Variants in BMPER observed in about 807,000 individuals in gnomAD.
BMPER encodes BMP-binding endothelial regulator protein.
Under a neutral mutation model 87.3 loss-of-function variants are expected in BMPER, and 45 were observed. The ratio of observed to expected loss-of-function variants is 0.52; its 90% CI spans 0.41 to 0.66. BMPER has a LOEUF of 0.66. BMPER is among the 30% of genes least tolerant of loss of function. The probability of loss-of-function intolerance (pLI) is 0.00; values close to 1 mark genes in which losing one functional copy is unlikely to be tolerated. For synonymous variants in BMPER, 326 were observed against 316.2 expected (o/e 1.03, Z -0.33); for missense variants, 784 against 867.5 (o/e 0.90, Z 1.21).
At chr7:34,000,894 A>G (rs1304947781) in intron 6 of BMPER, among the ~76,000 whole-genome samples, 1 of 152,048 alleles carries the variant, frequency 6.6e-6, no homozygotes, top group African/African-American at 2.4e-5. Flanking sequence ...TATTTTGAAC[A>G]TGAATAGGTG....
At chr7:34,105,355 T>C (rs1423145101) in intron 13 of BMPER, among the ~76,000 whole-genome samples, 1 of 152,226 alleles carries the variant, frequency 6.6e-6, no homozygotes, top group Non-Finnish European at 1.5e-5. Flanking sequence ...TGCTCTGGAC[T>C]TCCTTAGGAA....
intron 1 of BMPER, 143 bp from the exon 2 acceptor site, chr7:33,906,675 G>T: frequency 1.3e-6 from 1 of 747,356 alleles, no homozygotes; most frequent in Non-Finnish European, 2.3e-6. Flanking sequence ...GTTTTGCTTT[G>T]GTGAATTTAA....
At chr7:34,050,358 A>G (rs1357766348) in intron 7 of BMPER, among the ~76,000 whole-genome samples, 2 of 152,106 alleles carry the variant, frequency 1.3e-5, no homozygotes, top group African/African-American at 4.8e-5. Context: ...GGGAGTCCAT[A>G]TGTAAGATCC....
intron 2 of BMPER, among the ~76,000 whole-genome samples, chr7:33,917,149 G>A (rs962523903): frequency 1.3e-5 from 2 of 152,110 alleles, no homozygotes; most frequent in Non-Finnish European, 2.9e-5. Context: ...GTTCTGGGGC[G>A]ATCTGACTTC....
chr7:33,928,961 C>T (rs1256488019), intron 2 of BMPER, among the ~76,000 whole-genome samples: 2 of 152,162 alleles, frequency 1.3e-5, no homozygotes, highest in African/African-American at 2.4e-5. Flanking sequence ...CTTTCCTCCA[C>T]CCCCCTGCCT....
At chr7:34,143,649 A>T (rs1048005724) in intron 14 of BMPER, among the ~76,000 whole-genome samples, 1 of 152,228 alleles carries the variant, frequency 6.6e-6, no homozygotes. Flanking sequence ...GGATATACTT[A>T]GCTCATGGGC....
At chr7:33,914,884 A>G (rs942695357) in intron 2 of BMPER, among the ~76,000 whole-genome samples, 4 of 152,192 alleles carry the variant, frequency 2.6e-5, no homozygotes, top group Admixed American at 2.0e-4. Flanking sequence ...AAACATTGCA[A>G]AGACCTGGAA....
At chr7:34,129,680 G>GAAAGAA (rs1313374728) in intron 13 of BMPER, among the ~76,000 whole-genome samples, 14 of 151,330 alleles carry the variant, frequency 9.3e-5, no homozygotes, top group African/African-American at 3.4e-4. Flanking sequence ...AAGAAAGAAA[G>GAAAGAA]AAAACCTGCC....
rs546980413 is a variant in BMPER, at chr7:34,027,649, G to T, written c.577-18657G>T. Reference sequence around the variant, plus strand: ...AGCATGATTTGACAGACAAATTATGGTTATTAAGAATTGAGTACTTGGCAG... The same window carrying T: ...AGCATGATTTGACAGACAAATTATGTTTATTAAGAATTGAGTACTTGGCAG... On this transcript the variant is annotated intron_variant, in intron 6 of 14. Coordinates refer to ENST00000649409, the MANE Select transcript of BMPER (RefSeq NM_001365308.1). Among the ~76,000 whole-genome samples the T allele has an allele frequency of 5.9e-5, 9 of 152,062 alleles. No individual in the cohort carries two copies. In the South Asian group the frequency reaches 1.7e-3, roughly 28 times the overall value.
intron 11 of BMPER, among the ~76,000 whole-genome samples, chr7:34,069,385 A>T (rs1274847259): frequency 2.0e-5 from 3 of 152,244 alleles, no homozygotes; most frequent in Non-Finnish European, 4.4e-5. Flanking sequence ...AAAAATTGCT[A>T]CTTCTGCTGC....
At chr7:34,078,735 T>A in intron 11 of BMPER, 122 bp from the exon 12 acceptor site, 4 of 986,932 alleles carry the variant, frequency 4.1e-6, no homozygotes, top group Non-Finnish European at 6.3e-6. Context: ...CTTTTTTTTT[T>A]AAGTTGATTT....
chr7:33,962,366 A>T (rs1357079434), intron 3 of BMPER, among the ~76,000 whole-genome samples: 1 of 152,230 alleles, frequency 6.6e-6, no homozygotes, highest in Non-Finnish European at 1.5e-5. Flanking sequence ...TAGCTGGTTT[A>T]GGCTCATTGT....
intron 7 of BMPER, among the ~76,000 whole-genome samples, chr7:34,051,190 C>T (rs1431705011): frequency 1.3e-5 from 2 of 152,176 alleles, no homozygotes; most frequent in African/African-American, 4.8e-5. Flanking sequence ...GAGCTTTGCT[C>T]TCCTGACCTA....
At chr7:34,140,886 C>A (rs1042771231) in intron 13 of BMPER, among the ~76,000 whole-genome samples, 1 of 152,164 alleles carries the variant, frequency 6.6e-6, no homozygotes, top group Non-Finnish European at 1.5e-5. Flanking sequence ...TATGTGCCAT[C>A]ATTTTACCAG....
chr7:34,114,909 G>A (rs1321945312), intron 13 of BMPER, among the ~76,000 whole-genome samples: 4 of 152,212 alleles, frequency 2.6e-5, no homozygotes, highest in Admixed American at 2.6e-4. Flanking sequence ...GATGTTGCAG[G>A]CCACCCACAA....
intron 1 of BMPER, among the ~76,000 whole-genome samples, chr7:33,906,337 G>A (rs1180828077): frequency 6.6e-6 from 1 of 152,154 alleles, no homozygotes. Flanking sequence ...AGGGGATTGC[G>A]TTTCAAAAAG....
At chr7:34,075,968 A>G (rs759757211) in intron 11 of BMPER, among the ~76,000 whole-genome samples, 1 of 152,204 alleles carries the variant, frequency 6.6e-6, no homozygotes, top group Non-Finnish European at 1.5e-5. Context: ...ATGTCCCCAA[A>G]TGCAACACAT....
At chr7:34,140,027 G>T (rs10224315) in intron 13 of BMPER, among the ~76,000 whole-genome samples, 121,896 of 152,118 alleles carry the variant, frequency 0.8, 49,049 homozygotes, top group East Asian at 0.95. Context: ...TAGAAAGATC[G>T]AATGTAGTTA....
intron 11 of BMPER, among the ~76,000 whole-genome samples, chr7:34,066,673 G>A (rs964924632): frequency 8.4e-4 from 128 of 152,264 alleles, no homozygotes; most frequent in African/African-American, 2.8e-3. Context: ...TTGGCAAATA[G>A]CAGGTGGAAT....
Sources: allele counts gnomAD v4.1 joint callset (sites outside exome capture counted in the v4.1 genomes callset), GRCh38; gene constraint gnomAD v4.1.1; transcripts MANE v1.5; gene names NCBI Gene and HGNC (gene_info 2026-07-23, HGNC 2026-07-21).